The following ADGRL3 variants were observed in gnomAD, a reference collection of about 807,000 sequenced individuals.
ADGRL3 encodes the protein adhesion G protein-coupled receptor L3.
In ADGRL3, 62 loss-of-function variants were observed where a neutral mutation model predicts 153.5. The observed-to-expected ratio is 0.40, with a 90% CI of 0.33 to 0.50. ADGRL3 has a LOEUF of 0.50. ADGRL3 is among the 20% of genes least tolerant of loss of function. ADGRL3 has a pLI of 0.47. For missense variants in ADGRL3, 1,641 were observed against 1,859.4 expected (o/e 0.88, Z 2.16); for synonymous variants, 710 against 672.5 (o/e 1.06, Z -0.86).
chr4:61,295,481 G>A (rs1262662447), intron 1 of ADGRL3, among the ~76,000 whole-genome samples: 12 of 152,042 alleles, frequency 7.9e-5, no homozygotes, highest in Non-Finnish European at 1.5e-4. Context: ...GAGGGGGAAT[G>A]CCTGTGTATA....
At chr4:61,505,109 C>A (rs1417229351) in intron 3 of ADGRL3, among the ~76,000 whole-genome samples, 1 of 152,010 alleles carries the variant, frequency 6.6e-6, no homozygotes, top group Non-Finnish European at 1.5e-5. Context: ...TCCTCACTAG[C>A]ATTTGTTATT....
intron 5 of ADGRL3, among the ~76,000 whole-genome samples, chr4:61,602,061 A>C (rs1466786796): frequency 1.3e-5 from 2 of 149,522 alleles, no homozygotes; most frequent in Non-Finnish European, 3.0e-5. Context: ...TAACTAGTAA[A>C]ATAAGTAAAC....
intron 13 of ADGRL3, among the ~76,000 whole-genome samples, chr4:61,916,193 T>A (rs1051689550): frequency 6.6e-6 from 1 of 152,114 alleles, no homozygotes; most frequent in Non-Finnish European, 1.5e-5. Context: ...AATATGTGAA[T>A]CTCCTAAAAG....
intron 8 of ADGRL3, among the ~76,000 whole-genome samples, chr4:61,748,373 T>G (rs1025327134): frequency 6.6e-6 from 1 of 151,786 alleles, no homozygotes; most frequent in Admixed American, 6.6e-5. Context: ...AAAGTTCATA[T>G]GGAACCAAAA....
At chr4:61,900,393 G>A (rs1029865971) in intron 11 of ADGRL3, among the ~76,000 whole-genome samples, 14 of 152,170 alleles carry the variant, frequency 9.2e-5, no homozygotes, top group African/African-American at 3.4e-4. Flanking sequence ...AGTCACTCAT[G>A]TACTGGTAAA....
chr4:61,408,897 A>C (rs1186428574), intron 2 of ADGRL3, among the ~76,000 whole-genome samples: 1 of 151,854 alleles, frequency 6.6e-6, no homozygotes, highest in Non-Finnish European at 1.5e-5. Context: ...TTGTGGATTA[A>C]TTTCAAATAA....
chr4:61,646,772 A>T (rs1319444296), intron 5 of ADGRL3, among the ~76,000 whole-genome samples: 3 of 152,206 alleles, frequency 2.0e-5, no homozygotes, highest in Admixed American at 2.0e-4. Flanking sequence ...CTACAGAGGC[A>T]GGCAGGCCTC....
At chr4:61,831,907 G>A (rs770924568) in intron 9 of ADGRL3, among the ~76,000 whole-genome samples, 2 of 151,788 alleles carry the variant, frequency 1.3e-5, no homozygotes, top group Admixed American at 6.6e-5. Flanking sequence ...GCAAGTCTCC[G>A]CTGGCTGGCA....
At position 61,732,876 on chromosome 4, in the gene ADGRL3, C is replaced by A; in HGVS notation, c.721C>A (p.Pro241Thr). The change falls in exon 8 of 27, where the codon CCC (proline) becomes ACC (threonine). Residue 241 changes from proline to threonine, a missense_variant. This residue lies in a region of ADGRL3 where 213 missense variants were observed against 362.1 expected (regional missense o/e 0.59). Coordinates refer to ENST00000683033, the MANE Select transcript of ADGRL3 (RefSeq NM_001387552.1). The part of the protein sequence containing the change: ...LQASDKIYYM[P>T]WTPYRTDTLT... ...GGCATCTGACAAGATTTATTATATG[C>A]CCTGGACTCCCTACAGAACTGATAC... 5.6e-6 allele frequency: 9 copies of A among 1,613,584 alleles called. No homozygotes were observed. The highest frequency in any genetic ancestry group is 1.6e-4 in the Middle Eastern group (1 of 6,062).
chr4:61,375,225 T>G (rs2096589644), intron 1 of ADGRL3, among the ~76,000 whole-genome samples: 1 of 152,160 alleles, frequency 6.6e-6, no homozygotes, highest in South Asian at 2.1e-4. Context: ...CTTAGGCTAT[T>G]TTTCCTTGTA....
chr4:61,898,016 C>T (rs2149676005), intron 11 of ADGRL3, among the ~76,000 whole-genome samples: 1 of 152,202 alleles, frequency 6.6e-6, no homozygotes. Context: ...AGGGACACAG[C>T]TTAGCCCCAG....
At chr4:61,254,223 C>A (rs886735257) in intron 1 of ADGRL3, among the ~76,000 whole-genome samples, 1 of 152,128 alleles carries the variant, frequency 6.6e-6, no homozygotes, top group East Asian at 1.9e-4. Context: ...CCCCAATTCA[C>A]TTCCATCTTC....
At position 62,076,886 on chromosome 4, in the gene ADGRL3, T is replaced by C. The variant is rs1347923939; in HGVS notation, c.*5978T>C. ...CTATTATGAATCTTTCTAATACATA[T>C]GAAATTAATATTATATTAGAATTAT... On this transcript the variant is annotated 3_prime_UTR_variant, in exon 27 of 27. Coordinates refer to ENST00000683033, the MANE Select transcript of ADGRL3 (RefSeq NM_001387552.1). 1 of 151,588 alleles carries C rather than the reference T, an allele frequency of 6.6e-6. No homozygotes were observed. The highest frequency in any genetic ancestry group is 1.5e-5 in the Non-Finnish European group (1 of 67,768). The allele number at this position is 151,588 out of a possible 1,614,324, so 9.4% of individuals were successfully genotyped here. A position where few individuals can be genotyped will look rare whatever the true frequency, so the allele number is the denominator to read the frequency against.
chr4:61,494,091 T>A (rs1246136909), intron 2 of ADGRL3, among the ~76,000 whole-genome samples: 1 of 152,050 alleles, frequency 6.6e-6, no homozygotes, highest in African/African-American at 2.4e-5. Context: ...TGTTTTTTTT[T>A]TTTTTTCACT....
chr4:61,561,255 G>C (rs1196653336), intron 4 of ADGRL3, among the ~76,000 whole-genome samples: 1 of 152,174 alleles, frequency 6.6e-6, no homozygotes, highest in Non-Finnish European at 1.5e-5. Flanking sequence ...CCATTTTAAA[G>C]TAATTTTGGA....
intron 15 of ADGRL3, among the ~76,000 whole-genome samples, chr4:61,939,762 C>G (rs1022134200): frequency 1.3e-5 from 2 of 152,014 alleles, no homozygotes; most frequent in Admixed American, 1.3e-4. Flanking sequence ...GCCACCACAC[C>G]CGGCCAAAAT....
At chr4:61,910,545 G>A (rs2098717368) in intron 12 of ADGRL3, among the ~76,000 whole-genome samples, 1 of 151,244 alleles carries the variant, frequency 6.6e-6, no homozygotes, top group African/African-American at 2.4e-5. Context: ...TAACCCCATG[G>A]TAAAACATAT....
chr4:61,998,301 G>A (rs1326853700), intron 21 of ADGRL3, 36 bp downstream of exon 21: 4 of 1,138,364 alleles, frequency 3.5e-6, no homozygotes, highest in African/African-American at 3.1e-5. Flanking sequence ...TATAGGTTGT[G>A]TTACATTTAT....
chr4:61,252,639 A>G (rs1294670152), intron 1 of ADGRL3, among the ~76,000 whole-genome samples: 4 of 151,800 alleles, frequency 2.6e-5, no homozygotes, highest in South Asian at 2.1e-4. Context: ...GCTTTGTCAG[A>G]TCACTGTATT....
Sources: allele counts gnomAD v4.1 joint callset (sites outside exome capture counted in the v4.1 genomes callset), GRCh38; gene constraint gnomAD v4.1.1; regional missense constraint gnomAD v4.1.1; transcripts MANE v1.5; gene names NCBI Gene and HGNC (gene_info 2026-07-23, HGNC 2026-07-21).